The following HYDIN variants were observed in gnomAD, a reference collection of about 807,000 sequenced individuals.
HYDIN encodes HYDIN axonemal central pair apparatus protein.
A neutral mutation model predicts 403.9 loss-of-function variants in HYDIN; 132 were observed. The ratio of observed to expected loss-of-function variants is 0.33; its 90% CI spans 0.28 to 0.38. The LOEUF (loss-of-function observed/expected upper bound fraction) is 0.38. HYDIN is among the 10% of genes least tolerant of loss of function. The pLI, the probability that HYDIN is intolerant of heterozygous loss-of-function variation, is 1.00. For synonymous variants in HYDIN, 1,202 were observed against 1,891.7 expected, an observed-to-expected ratio of 0.64 and a Z score of 9.46; for missense variants, 2,827 against 5,009.5, an observed-to-expected ratio of 0.56 and a Z score of 13.15.
chr16:70,970,558 A>T lies in HYDIN; in HGVS notation c.5581T>A (p.Ser1861Thr). Reference protein sequence around the residue: ...NPCNFPIEFYSLEFDQQYLIE... With the variant: ...NPCNFPIEFYTLEFDQQYLIE... The stretch of plus-strand genomic sequence containing the variant: ...AGATACTGCTGATCAAATTCTAAGG[A>T]ATAAAACTCAATGGGGAAGTTGCAG... The change falls in exon 36 of 86, where the codon TCC (serine) becomes ACC (threonine). Residue 1861 changes from serine to threonine, a missense_variant. Ser to Thr is a moderately conservative substitution (Grantham distance 58). Coordinates refer to ENST00000393567, the MANE Select transcript of HYDIN (RefSeq NM_001270974.2). 2 of 1,345,322 alleles carry T rather than the reference A, an allele frequency of 1.5e-6. No individual in the cohort carries two copies. The highest frequency in any genetic ancestry group is 2.1e-6 in the Non-Finnish European group (2 of 953,454). 83.3% of individuals were successfully genotyped at this position (1,345,322 alleles called of 1,614,324 possible). A position where few individuals can be genotyped will look rare whatever the true frequency, so the allele number is the denominator to read the frequency against.
At chr16:71,135,063 T>C (rs1180457544) in intron 8 of HYDIN, among the ~76,000 whole-genome samples, 1 of 152,132 alleles carries the variant, frequency 6.6e-6, no homozygotes, top group Non-Finnish European at 1.5e-5. Flanking sequence ...GTATTCTTAT[T>C]TATCTGAAGC....
In HYDIN at chr16:71,187,012, T is replaced by G. The variant is rs532085516; in HGVS notation, c.-23-94A>C. 5.3e-6 allele frequency: 4 copies of G among 757,550 alleles called. No individual in the cohort carries two copies. In the Admixed American group the frequency reaches 1.1e-4, roughly 21 times the overall value. The allele number at this position is 757,550 out of a possible 1,614,324, so 46.9% of individuals were successfully genotyped here. On this transcript the variant is annotated intron_variant, in intron 1 of 85. Transcript: ENST00000393567. Reference sequence around the variant, plus strand: ...TAAGCTTTTTCAAATACAGGAAGGTTTAGAAAATACTGATCTTCCGAAATC... The same window carrying G: ...TAAGCTTTTTCAAATACAGGAAGGTGTAGAAAATACTGATCTTCCGAAATC...
intron 18 of HYDIN, among the ~76,000 whole-genome samples, chr16:71,032,420 C>T (rs1448426697): frequency 1.3e-5 from 2 of 151,164 alleles, no homozygotes; most frequent in African/African-American, 2.4e-5. Context: ...AAGAAGTCAT[C>T]TGGATTTCTA....
In HYDIN at chr16:71,069,708, T is replaced by C. The variant is rs534470830; in HGVS notation, c.1739-206A>G. Among the ~76,000 whole-genome samples, 6 of 152,370 alleles carry C rather than the reference T, an allele frequency of 3.9e-5. No individual in the cohort carries two copies. In the South Asian group the frequency reaches 1.2e-3, roughly 32 times the overall value. On this transcript the variant is annotated intron_variant, in intron 13 of 85. Transcript: ENST00000393567. ...ATTCATTAATGTATCTACTTTTTCATTTATGCATTCACTCAATGAATATTT... is the reference window on the plus strand; with the variant it reads ...ATTCATTAATGTATCTACTTTTTCACTTATGCATTCACTCAATGAATATTT...
chr16:70,818,760 G>A (rs970220459), intron 83 of HYDIN, among the ~76,000 whole-genome samples, 188 bp from the exon 84 acceptor site: 15 of 147,472 alleles, frequency 1.0e-4, no homozygotes, highest in Non-Finnish European at 1.9e-4. Context: ...TAGGGATTCC[G>A]GCTCCTCCCA....
intron 13 of HYDIN, among the ~76,000 whole-genome samples, chr16:71,076,211 ATTAATT>A (rs1434874499): frequency 2.6e-5 from 4 of 152,180 alleles, no homozygotes; most frequent in South Asian, 4.2e-4. Context: ...AATAGGTGAC[ATTAATT>A]TTAACAACAT....
At chr16:70,891,281 C>A (rs1168823679) in intron 57 of HYDIN, among the ~76,000 whole-genome samples, 1 of 152,126 alleles carries the variant, frequency 6.6e-6, no homozygotes, top group African/African-American at 2.4e-5. Flanking sequence ...CTCCGCCTCT[C>A]AGGTTCAAGC....
intron 18 of HYDIN, among the ~76,000 whole-genome samples, chr16:71,056,045 T>C (rs1247299629): frequency 1.3e-5 from 2 of 151,788 alleles, no homozygotes; most frequent in East Asian, 3.9e-4. Flanking sequence ...CTCTTCCTGA[T>C]AGAGCTCCCT....
chr16:70,991,825 T>C (rs1393173127), intron 24 of HYDIN, among the ~76,000 whole-genome samples: 4 of 152,036 alleles, frequency 2.6e-5, no homozygotes, highest in South Asian at 2.1e-4. Flanking sequence ...GACCCAATCC[T>C]GACTGTAGAC....
chr16:71,201,214 G>T (rs373817016), intron 1 of HYDIN, among the ~76,000 whole-genome samples: 1 of 152,164 alleles, frequency 6.6e-6, no homozygotes, highest in Non-Finnish European at 1.5e-5. Context: ...AGCTTCAGGA[G>T]GTCAGAGATC....
chr16:70,870,990 C>T lies in HYDIN; in HGVS notation c.11091+1047G>A, dbSNP rs2040059575. Among the ~76,000 whole-genome samples, 3 of 152,342 alleles carry T rather than the reference C, an allele frequency of 2.0e-5. No individual in the cohort carries two copies. The East Asian group carries it at 5.8e-4, about 29-fold the overall frequency. On this transcript the variant is annotated intron_variant, in intron 65 of 85. Transcript: ENST00000393567. The stretch of plus-strand genomic sequence containing the variant: ...AGGTTGCAATGAGCCAAGATTGTAA[C>T]ACTGCACTCCAGCCTGGGTGACCGA...
intron 19 of HYDIN, among the ~76,000 whole-genome samples, chr16:71,029,789 AGAGGGAAG>A (rs1232505889): frequency 6.6e-6 from 1 of 151,972 alleles, no homozygotes; most frequent in Non-Finnish European, 1.5e-5. Context: ...TAGATGGAGC[AGAGGGAAG>A]GATTCTGGGG....
chr16:71,047,763 C>T (rs1348635311), intron 18 of HYDIN, among the ~76,000 whole-genome samples: 3 of 149,654 alleles, frequency 2.0e-5, no homozygotes, highest in African/African-American at 7.4e-5. Flanking sequence ...CAGAGTGATA[C>T]TTTGATACAT....
chr16:70,875,652 C>G (rs911743704), intron 62 of HYDIN, among the ~76,000 whole-genome samples: 2 of 152,116 alleles, frequency 1.3e-5, no homozygotes, highest in African/African-American at 4.8e-5. Flanking sequence ...TAATAAGAAA[C>G]TATATGGAAG....
intron 83 of HYDIN, among the ~76,000 whole-genome samples, chr16:70,821,730 T>C (rs12447241): frequency 6.7e-6 from 1 of 150,302 alleles, no homozygotes; most frequent in African/African-American, 2.4e-5. Flanking sequence ...CTTGGATCTA[T>C]AGTTTTTTTT....
At chr16:70,816,240 C>G (rs1399737842) in intron 84 of HYDIN, among the ~76,000 whole-genome samples, 1 of 152,006 alleles carries the variant, frequency 6.6e-6, no homozygotes, top group Non-Finnish European at 1.5e-5. Context: ...TTCTAGAGAA[C>G]TGAAATAATA....
At chr16:70,950,713 C>G (rs1439260582) in intron 41 of HYDIN, among the ~76,000 whole-genome samples, 1 of 152,066 alleles carries the variant, frequency 6.6e-6, no homozygotes, top group Non-Finnish European at 1.5e-5. Context: ...TCCACCTCCC[C>G]CACTGTCCCT....
intron 8 of HYDIN, among the ~76,000 whole-genome samples, chr16:71,130,879 T>C (rs2084687573): frequency 6.6e-6 from 1 of 150,884 alleles, no homozygotes; most frequent in Non-Finnish European, 1.5e-5. Flanking sequence ...GCACCTCCTT[T>C]TCTCTCTTTT....
intron 80 of HYDIN, among the ~76,000 whole-genome samples, chr16:70,831,103 A>G (rs1315765839): frequency 2.0e-5 from 3 of 147,814 alleles, no homozygotes; most frequent in African/African-American, 7.7e-5. Context: ...CCAGCCTAAC[A>G]GTGTTTTTTT....
Sources: allele counts gnomAD v4.1 joint callset (sites outside exome capture counted in the v4.1 genomes callset), GRCh38; gene constraint gnomAD v4.1.1; transcripts MANE v1.5; gene names NCBI Gene and HGNC (gene_info 2026-07-23, HGNC 2026-07-21).